The following OXCT1 variants were observed in gnomAD, a reference collection of about 807,000 sequenced individuals.
OXCT1 encodes 3-oxoacid CoA-transferase 1.
Under a neutral mutation model 69.6 loss-of-function variants are expected in OXCT1, and 27 were observed. The observed-to-expected ratio is 0.39, with a 90% CI of 0.29 to 0.54. The LOEUF (loss-of-function observed/expected upper bound fraction) is 0.54, where lower values mean the gene tolerates loss of function less well. Among genes scored for constraint, OXCT1 ranks in the 20% least tolerant of loss-of-function variants. OXCT1 has a pLI of 0.72. For missense variants in OXCT1, 437 were observed against 650.2 expected (o/e 0.67, Z 3.57); for synonymous variants, 202 against 217.8 (o/e 0.93, Z 0.64).
In OXCT1 at chr5:41,738,698, G is replaced by C. The variant is rs1377986628; in HGVS notation, c.1521+692C>G. 2.0e-5 allele frequency among the ~76,000 whole-genome samples: 3 copies of C among 152,184 alleles called. No individual in the cohort carries two copies. The East Asian group carries it at 5.8e-4, about 29-fold the overall frequency. ...GTTAACTTCAAATAGACTGAGCCAT[G>C]CTTTCAATGCCATTAGCTAGGTGAT... is the stretch of plus-strand genomic sequence containing the variant. On this transcript the variant is annotated intron_variant, in intron 16 of 16. Coordinates refer to ENST00000196371, the MANE Select transcript of OXCT1 (RefSeq NM_000436.4).
At chr5:41,853,613 T>G in intron 3 of OXCT1, 59 bp from the exon 4 acceptor site, 1 of 1,534,632 alleles carries the variant, frequency 6.5e-7, no homozygotes, top group East Asian at 2.3e-5. Flanking sequence ...TATTACATCT[T>G]TTTAAAGAGA....
chr5:41,866,031 C>CA (rs952902407), intron 1 of OXCT1, among the ~76,000 whole-genome samples: 6 of 148,442 alleles, frequency 4.0e-5, no homozygotes, highest in Non-Finnish European at 9.0e-5. Context: ...GACCCCCCCC[C>CA]CCACCGCTTA....
At chr5:41,745,581 A>T (rs149691817) in intron 15 of OXCT1, among the ~76,000 whole-genome samples, 1,869 of 152,296 alleles carry the variant, frequency 0.012, 39 homozygotes, top group African/African-American at 0.043. Context: ...TAGACACAAA[A>T]AACCCTTCAA....
chr5:41,861,771 T>C (rs1035715808), intron 2 of OXCT1, among the ~76,000 whole-genome samples: 1 of 152,232 alleles, frequency 6.6e-6, no homozygotes, highest in Non-Finnish European at 1.5e-5. Flanking sequence ...AGATTTTGCA[T>C]AGTTGGAAGC....
chr5:41,827,676 C>T (rs1032412667), intron 7 of OXCT1, among the ~76,000 whole-genome samples: 3 of 152,098 alleles, frequency 2.0e-5, no homozygotes, highest in Admixed American at 6.5e-5. Flanking sequence ...TTAAGAGGAT[C>T]GGTGCAAGAC....
intron 11 of OXCT1, among the ~76,000 whole-genome samples, chr5:41,798,926 A>G (rs1746302234): frequency 6.6e-6 from 1 of 152,188 alleles, no homozygotes; most frequent in African/African-American, 2.4e-5. Flanking sequence ...GTCCCTAGCA[A>G]TGTTATCTTG....
At chr5:41,734,068 A>G (rs1388072968) in intron 16 of OXCT1, among the ~76,000 whole-genome samples, 2 of 152,258 alleles carry the variant, frequency 1.3e-5, no homozygotes, top group African/African-American at 2.4e-5. Context: ...CACTGCAAAC[A>G]TATCAACAAA....
At chr5:41,839,421 G>GA (rs1748524422) in intron 7 of OXCT1, among the ~76,000 whole-genome samples, 2 of 152,138 alleles carry the variant, frequency 1.3e-5, no homozygotes, top group African/African-American at 4.8e-5. Flanking sequence ...CCACGGACAG[G>GA]TCATTAAGAT....
intron 13 of OXCT1, among the ~76,000 whole-genome samples, chr5:41,782,298 T>C (rs1333141315): frequency 6.6e-6 from 1 of 151,592 alleles, no homozygotes; most frequent in Non-Finnish European, 1.5e-5. Context: ...CAGTGCAACC[T>C]CCACCTCCTG....
intron 5 of OXCT1, among the ~76,000 whole-genome samples, chr5:41,845,894 T>C (rs926087058): frequency 2.6e-5 from 4 of 152,076 alleles, no homozygotes; most frequent in Non-Finnish European, 4.4e-5. Context: ...AAAAACACAT[T>C]TTTTATCTTA....
At chr5:41,801,283 T>C (rs1188820013) in intron 10 of OXCT1, among the ~76,000 whole-genome samples, 1 of 152,124 alleles carries the variant, frequency 6.6e-6, no homozygotes, top group Non-Finnish European at 1.5e-5. Flanking sequence ...AAATGAAAAA[T>C]ATTTTCTAAA....
intron 14 of OXCT1, among the ~76,000 whole-genome samples, chr5:41,759,407 A>T (rs1744240411): frequency 6.6e-6 from 1 of 152,128 alleles, no homozygotes; most frequent in Non-Finnish European, 1.5e-5. Context: ...TAGAAATGAA[A>T]AAGAAGCTTA....
intron 14 of OXCT1, among the ~76,000 whole-genome samples, chr5:41,758,588 C>G (rs935894404): frequency 2.0e-5 from 3 of 151,782 alleles, no homozygotes; most frequent in Admixed American, 1.3e-4. Flanking sequence ...ACCAAAGATT[C>G]AGATGGCACC....
chr5:41,845,674 A>C (rs1411351557), intron 5 of OXCT1, among the ~76,000 whole-genome samples: 2 of 152,210 alleles, frequency 1.3e-5, no homozygotes, highest in African/African-American at 4.8e-5. Context: ...TCCAGGCAGA[A>C]ATGAACCTAA....
At chr5:41,848,303 A>C (rs1280355603) in intron 5 of OXCT1, among the ~76,000 whole-genome samples, 1 of 150,162 alleles carries the variant, frequency 6.7e-6, no homozygotes, top group Non-Finnish European at 1.5e-5. Flanking sequence ...AAATGGAAGA[A>C]TATTCCATGC....
intron 14 of OXCT1, among the ~76,000 whole-genome samples, chr5:41,761,061 C>T (rs954278470): frequency 5.9e-5 from 9 of 151,972 alleles, no homozygotes; most frequent in Non-Finnish European, 1.2e-4. Flanking sequence ...GATTTTAAAA[C>T]TAAGAATGAT....
At chr5:41,857,566 A>C (rs923977773) in intron 3 of OXCT1, among the ~76,000 whole-genome samples, 1 of 152,100 alleles carries the variant, frequency 6.6e-6, no homozygotes, top group Non-Finnish European at 1.5e-5. Context: ...GTGAGGGGAA[A>C]ATGTTGGGAT....
At chr5:41,844,856 T>C (rs1433646179) in intron 5 of OXCT1, among the ~76,000 whole-genome samples, 1 of 151,762 alleles carries the variant, frequency 6.6e-6, no homozygotes, top group Non-Finnish European at 1.5e-5. Flanking sequence ...TGTTACCACC[T>C]TGGTCTAGCC....
At chr5:41,815,281 C>A (rs1561099142) in intron 7 of OXCT1, among the ~76,000 whole-genome samples, 1 of 152,092 alleles carries the variant, frequency 6.6e-6, no homozygotes, top group Non-Finnish European at 1.5e-5. Flanking sequence ...ATTTTCATTT[C>A]CACTGACTCA....
Sources: allele counts gnomAD v4.1 joint callset (sites outside exome capture counted in the v4.1 genomes callset), GRCh38; gene constraint gnomAD v4.1.1; transcripts MANE v1.5; gene names NCBI Gene and HGNC (gene_info 2026-07-23, HGNC 2026-07-21).